DCUN1D2: variants seen among roughly 807,000 people sequenced by gnomAD.
The protein encoded by DCUN1D2 is DCN1-like protein 2.
DCUN1D2 carries 29 observed loss-of-function variants against 30.9 expected under a neutral mutation model. The ratio of observed to expected loss-of-function variants is 0.94; its 90% CI spans 0.70 to 1.28. The LOEUF (loss-of-function observed/expected upper bound fraction) is 1.28. Among genes scored for constraint, DCUN1D2 ranks in the 50% most tolerant of loss-of-function variants. The pLI is 0.00. For missense variants in DCUN1D2, 325 were observed against 316.9 expected (o/e 1.03, Z -0.19); for synonymous variants, 121 against 115.3 (o/e 1.05, Z -0.32).
rs2044947369 is a variant in DCUN1D2, at chr13:113,490,607, A to G, written c.3+60T>C. 2 of 1,213,096 alleles carry G rather than the reference A, an allele frequency of 1.6e-6. No homozygotes were observed. Among genetic ancestry groups the G allele is most frequent in the Non-Finnish European group, 2.1e-6 (2 of 974,980 alleles). 75.1% of individuals were successfully genotyped at this position (1,213,096 alleles called of 1,614,324 possible). A position where few individuals can be genotyped will look rare whatever the true frequency, so the allele number is the denominator to read the frequency against. The stretch of plus-strand genomic sequence containing the variant: ...CACATCCAGCGCGCCGCCTGCGCCG[A>G]CCTTGGGGCCCGACCCCGACCCCGA... On this transcript the variant is annotated intron_variant, in intron 1 of 6. Coordinates refer to ENST00000478244, the MANE Select transcript of DCUN1D2 (RefSeq NM_001014283.2). This position sits in a 1 kb window ranked among gnomAD's most constrained non-coding sequence, Gnocchi z 5.2.
chr13:113,490,807 G>A (rs903195879), upstream of DCUN1D2: 320 of 794,090 alleles, frequency 4.0e-4, 2 homozygotes, highest in Non-Finnish European at 4.9e-4. The surrounding 1 kb of genome is among the most constrained non-coding windows in gnomAD (Gnocchi z 5.2). Context: ...TCCCACTCCC[G>A]GCATGCTCAG....
intron 1 of DCUN1D2, among the ~76,000 whole-genome samples, chr13:113,487,594 TG>T (rs1456310058): frequency 1.3e-5 from 2 of 152,188 alleles, no homozygotes; most frequent in African/African-American, 4.8e-5. Flanking sequence ...AGCCGCACAG[TG>T]TGCGATTCCA....
intron 5 of DCUN1D2, among the ~76,000 whole-genome samples, chr13:113,460,601 A>AC (rs1385983878): frequency 6.6e-6 from 1 of 152,322 alleles, no homozygotes; most frequent in East Asian, 1.9e-4. Context: ...ATGGCTTCAG[A>AC]CCACAGACAC....
chr13:113,475,120 T>C (rs2044591776), intron 3 of DCUN1D2, among the ~76,000 whole-genome samples: 2 of 152,170 alleles, frequency 1.3e-5, no homozygotes, highest in Admixed American at 1.3e-4. Context: ...AAGAAAGCTT[T>C]AGAGCAGCTA....
intron 1 of DCUN1D2, among the ~76,000 whole-genome samples, chr13:113,489,615 G>C (rs1223666142): frequency 6.6e-6 from 1 of 151,834 alleles, no homozygotes; most frequent in Non-Finnish European, 1.5e-5. Flanking sequence ...CCCTCTACAC[G>C]TTACCGTGTC....
At chr13:113,462,780 T>C in intron 4 of DCUN1D2, 2 of 1,122,848 alleles carry the variant, frequency 1.8e-6, no homozygotes, top group Non-Finnish European at 2.2e-6. Flanking sequence ...ATGATTAGTC[T>C]TGTCCTGCTT....
intron 4 of DCUN1D2, among the ~76,000 whole-genome samples, chr13:113,462,101 A>C (rs951576182): frequency 2.4e-4 from 37 of 151,362 alleles, no homozygotes; most frequent in African/African-American, 9.0e-4. Flanking sequence ...AAAAATACAA[A>C]ATTAGCTGGG....
At chr13:113,461,184 C>A in intron 4 of DCUN1D2, 48 bp from the exon 5 acceptor site, 3 of 1,219,244 alleles carry the variant, frequency 2.5e-6, no homozygotes, top group Non-Finnish European at 3.6e-6. Flanking sequence ...CTCTCTTTTT[C>A]TACTGCACAA....
chr13:113,474,338 C>T, intron 3 of DCUN1D2, 84 bp from the exon 4 acceptor site: 1 of 1,529,632 alleles, frequency 6.5e-7, no homozygotes, highest in South Asian at 1.2e-5. Context: ...GAACTGTGAC[C>T]AGGCACGCAG....
intron 4 of DCUN1D2, among the ~76,000 whole-genome samples, chr13:113,471,277 G>A (rs1294097887): frequency 4.3e-5 from 6 of 138,392 alleles, no homozygotes; most frequent in Admixed American, 1.5e-4. Flanking sequence ...ACTCCACAGG[G>A]GACCCAACTC....
In DCUN1D2 at chr13:113,484,010, G is replaced by A. The variant is rs775772172; in HGVS notation, c.50C>T (p.Ala17Val). 13 of 1,613,996 alleles carry A rather than the reference G, an allele frequency of 8.1e-6. No homozygotes were observed. The South Asian group carries it at 1.1e-4, about 14-fold the overall frequency. The change falls in exon 2 of 7, where the codon GCG (alanine) becomes GTG (valine). Residue 17 changes from alanine (A) to valine (V), a missense_variant. Ala to Val is a moderately conservative substitution (Grantham distance 64). Coordinates refer to ENST00000478244, the MANE Select transcript of DCUN1D2 (RefSeq NM_001014283.2). ...AGTTCTCTCGCCAGCCTGAGTGCAC[G>A]CCATAAACTGGCGGACCTTGTCCTT... ...SQKDKVRQFM[A>V]CTQAGERTAI... is the part of the protein sequence containing the mutation.
At chr13:113,469,636 C>G (rs1278513797) in intron 4 of DCUN1D2, among the ~76,000 whole-genome samples, 1 of 151,964 alleles carries the variant, frequency 6.6e-6, no homozygotes, top group South Asian at 2.1e-4. Context: ...ATGGCCACAC[C>G]TCTGCACTTA....
At chr13:113,487,762 G>A (rs2044833711) in intron 1 of DCUN1D2, among the ~76,000 whole-genome samples, 1 of 152,142 alleles carries the variant, frequency 6.6e-6, no homozygotes, top group Admixed American at 6.5e-5. Flanking sequence ...AAATGTTTTA[G>A]GACTAGATAG....
At position 113,490,413 on chromosome 13, in the gene DCUN1D2, G is replaced by A; in HGVS notation, c.3+254C>T. The A allele has an allele frequency of 6.2e-6, 2 of 324,668 alleles. No homozygotes were observed. The allele number at this position is 324,668 out of a possible 1,614,324, so 20.1% of individuals were successfully genotyped here. ...CCCCAAGGCCCCTACAGTTCCTCCC[G>A]GCCCCCGCCCTCCGCTCACTCCCGG... On this transcript the variant is annotated intron_variant, in intron 1 of 6. Coordinates refer to ENST00000478244, the MANE Select transcript of DCUN1D2 (RefSeq NM_001014283.2). The surrounding 1 kb of genome is among the most constrained non-coding windows in gnomAD (Gnocchi z 5.2).
At chr13:113,468,637 T>G (rs904051520) in intron 4 of DCUN1D2, among the ~76,000 whole-genome samples, 11 of 150,368 alleles carry the variant, frequency 7.3e-5, no homozygotes, top group Non-Finnish European at 1.5e-4. Context: ...AAGCGGCCTA[T>G]GAGGACGCAG....
chr13:113,475,911 CACTGTGCCCCACCGCCT>C (rs1020383608), intron 3 of DCUN1D2: 2 of 152,260 alleles, frequency 1.3e-5, no homozygotes, highest in Admixed American at 1.3e-4. Context: ...GGGCCAGGCC[CACTGTGCCCCACCGCCT>C]ACTGGAGCCG....
intron 1 of DCUN1D2, among the ~76,000 whole-genome samples, chr13:113,487,529 AGTGCACGAGTCCAGCCACACG>A (rs1435340070): frequency 2.6e-5 from 4 of 152,216 alleles, no homozygotes; most frequent in African/African-American, 9.7e-5. Flanking sequence ...CTCCAGCCAC[AGTGCACGAGTCCAGCCACACG>A]GTGCACGACT....
chr13:113,474,640 G>A (rs764947328), intron 3 of DCUN1D2, among the ~76,000 whole-genome samples: 16 of 152,176 alleles, frequency 1.1e-4, no homozygotes, highest in Non-Finnish European at 1.9e-4. Context: ...TGGAACAAGG[G>A]CGTGGTCTAA....
Position 113,488,569 on chromosome 13 carries a change from C to T in DCUN1D2, c.3+2098G>A, listed in dbSNP as rs769389235. 4.6e-5 allele frequency among the ~76,000 whole-genome samples: 7 copies of T among 152,152 alleles called. No homozygotes were observed. Among genetic ancestry groups the T allele is most frequent in the Non-Finnish European group, 1.0e-4 (7 of 68,022 alleles). On this transcript the variant is annotated intron_variant, in intron 1 of 6. Coordinates refer to ENST00000478244, the MANE Select transcript of DCUN1D2 (RefSeq NM_001014283.2). The surrounding 1 kb of genome is among the most constrained non-coding windows in gnomAD (Gnocchi z 4.3). ...AAAACTACAGGGGAGAGAAGGAAGC[C>T]GAGTCCCTCTAGACAGGACTAAACC...
Sources: allele counts gnomAD v4.1 joint callset (sites outside exome capture counted in the v4.1 genomes callset), GRCh38; gene constraint gnomAD v4.1.1; non-coding constraint Gnocchi (gnomAD v3.1); transcripts MANE v1.5; gene names NCBI Gene and HGNC (gene_info 2026-07-23, HGNC 2026-07-21).